The following SYT14 variants were observed in gnomAD, a reference collection of about 807,000 sequenced individuals.
SYT14 encodes the protein synaptotagmin-14.
SYT14 carries 32 observed loss-of-function variants against 74.2 expected under a neutral mutation model. The observed-to-expected ratio is 0.43, with a 90% CI of 0.33 to 0.58. The LOEUF is 0.58. Among genes scored for constraint, SYT14 ranks in the 20% least tolerant of loss-of-function variants. The pLI is 0.05. For synonymous variants in SYT14, 298 were observed against 337.7 expected (o/e 0.88, Z 1.29); for missense variants, 791 against 981.8 (o/e 0.81, Z 2.60).
At chr1:210,139,384 G>A (rs1284734886) in intron 7 of SYT14, among the ~76,000 whole-genome samples, 1 of 150,366 alleles carries the variant, frequency 6.7e-6, no homozygotes, top group Non-Finnish European at 1.5e-5. Flanking sequence ...AGCCAAAAGG[G>A]TACTTTTACT....
intron 5 of SYT14, among the ~76,000 whole-genome samples, chr1:210,052,184 A>T (rs1192501942): frequency 6.6e-6 from 1 of 151,586 alleles, no homozygotes; most frequent in Non-Finnish European, 1.5e-5. Flanking sequence ...TGGCTGTTTG[A>T]GTTTTTTCCC....
rs2079151724 is a variant in SYT14 at position 209,965,999 on chromosome 1, T to C, written c.-486+13243T>C. On this transcript the variant is annotated intron_variant, in intron 2 of 9. Transcript: ENST00000637265. ...GATTCTTCTGCCTCAGCATCCCAAG[T>C]AACTGGGACTACAGGTGCGTGCCCA... 3 of 451,164 alleles carry C rather than the reference T, an allele frequency of 6.6e-6. 1 individual carries two copies. Among genetic ancestry groups the C allele is most frequent in the South Asian group, 4.7e-5 (3 of 63,764 alleles). 27.9% of individuals were successfully genotyped at this position (451,164 alleles called of 1,614,324 possible). A position where few individuals can be genotyped will look rare whatever the true frequency, so the allele number is the denominator to read the frequency against.
At chr1:210,112,471 A>G (rs184281822) in intron 7 of SYT14, among the ~76,000 whole-genome samples, 14 of 151,524 alleles carry the variant, frequency 9.2e-5, no homozygotes, top group Admixed American at 7.2e-4. Context: ...CCGGAAGGAG[A>G]TACTTTCCTT....
chr1:210,090,289 G>A (rs2081838167), intron 5 of SYT14, among the ~76,000 whole-genome samples: 2 of 151,918 alleles, frequency 1.3e-5, no homozygotes, highest in African/African-American at 4.8e-5. Context: ...TCCTCTTCAT[G>A]CTTCCAATTT....
rs755324230 is a variant in SYT14, at chr1:210,021,282, C to T, written c.1312+28C>T. ...AAGATGGGCTGTTTTATTTTTTTTACATGACACACTATAGTATTTGATTAC... is the reference window on the plus strand; with the variant it reads ...AAGATGGGCTGTTTTATTTTTTTTATATGACACACTATAGTATTTGATTAC... On this transcript the variant is annotated intron_variant, in intron 5 of 9. Coordinates refer to ENST00000637265, the Ensembl canonical transcript of SYT14. The T allele has an allele frequency of 1.9e-6, 3 of 1,575,338 alleles. No individual in the cohort carries two copies. In the Admixed American group the frequency reaches 5.0e-5, roughly 26 times the overall value.
chr1:209,981,245 G>A (rs2079478819), intron 2 of SYT14, among the ~76,000 whole-genome samples: 1 of 152,030 alleles, frequency 6.6e-6, no homozygotes, highest in Non-Finnish European at 1.5e-5. Flanking sequence ...TGTTTTTGTG[G>A]TAGCAGGTAT....
intron 2 of SYT14, among the ~76,000 whole-genome samples, chr1:209,970,790 T>C (rs2079242102): frequency 6.8e-6 from 1 of 147,004 alleles, no homozygotes; most frequent in South Asian, 2.2e-4. Flanking sequence ...CAAGCCATTC[T>C]CCTGCCCTCA....
chr1:210,066,852 G>T (rs2081305840), intron 5 of SYT14, among the ~76,000 whole-genome samples: 1 of 151,994 alleles, frequency 6.6e-6, no homozygotes, highest in South Asian at 2.1e-4. Context: ...TGGTCCTTTT[G>T]TTGCCTGTGT....
chr1:209,990,006 A>G (rs2079637460), intron 2 of SYT14, among the ~76,000 whole-genome samples: 1 of 152,172 alleles, frequency 6.6e-6, no homozygotes, highest in African/African-American at 2.4e-5. Flanking sequence ...TATATTCAAT[A>G]TAAAATTAGC....
intron 7 of SYT14, among the ~76,000 whole-genome samples, chr1:210,143,485 C>T (rs746225769): frequency 1.3e-5 from 2 of 151,918 alleles, no homozygotes; most frequent in African/African-American, 2.4e-5. Context: ...TTCATTTGCT[C>T]CCGTTTGTTT....
At chr1:210,150,279 C>G (rs2083131912) in intron 7 of SYT14, among the ~76,000 whole-genome samples, 1 of 152,186 alleles carries the variant, frequency 6.6e-6, no homozygotes, top group Non-Finnish European at 1.5e-5. Context: ...CAATGAGTGC[C>G]TGAAGCTGCC....
chr1:210,115,501 A>G (rs2102594133), intron 7 of SYT14, among the ~76,000 whole-genome samples: 1 of 151,452 alleles, frequency 6.6e-6, no homozygotes, highest in South Asian at 2.1e-4. Flanking sequence ...CCAAGGGAAG[A>G]CTGTCTTCCA....
In SYT14 at chr1:210,077,967, C is replaced by T. The variant is rs924093398; in HGVS notation, c.1313-16355C>T. ...TGGACATTGAAAACAAAGGATATCTCCATGTTGATGTTGGAAACAACATTA... is the reference window on the plus strand; with the variant it reads ...TGGACATTGAAAACAAAGGATATCTTCATGTTGATGTTGGAAACAACATTA... On this transcript the variant is annotated intron_variant, in intron 5 of 9. Coordinates refer to ENST00000637265, the Ensembl canonical transcript of SYT14. Among the ~76,000 whole-genome samples the T allele has an allele frequency of 3.9e-5, 6 of 152,144 alleles. No individual in the cohort carries two copies. The East Asian group carries it at 1.2e-3, about 29-fold the overall frequency.
rs1414057583 is a variant in SYT14 at position 210,042,257 on chromosome 1, G to C, written c.1312+21003G>C. On this transcript the variant is annotated intron_variant, in intron 5 of 9. Coordinates refer to ENST00000637265, the Ensembl canonical transcript of SYT14. ...CACATTTCCTAAAACCAAAAGCACA[G>C]TGAAACAAATGAGCTTAACCCTGTC... Among the ~76,000 whole-genome samples the C allele has an allele frequency of 3.4e-5, 5 of 147,760 alleles. No homozygotes were observed. In the East Asian group the frequency reaches 1.7e-3, roughly 50 times the overall value.
intron 5 of SYT14, among the ~76,000 whole-genome samples, chr1:210,030,387 T>G (rs895825753): frequency 6.6e-6 from 1 of 152,024 alleles, no homozygotes; most frequent in African/African-American, 2.4e-5. Context: ...CTCCTGACCT[T>G]AAGTGATCTG....
At chr1:210,035,741 C>G (rs1475288230) in intron 5 of SYT14, among the ~76,000 whole-genome samples, 1 of 151,832 alleles carries the variant, frequency 6.6e-6, no homozygotes, top group Non-Finnish European at 1.5e-5. Context: ...TTTCTGGGTT[C>G]TCTGTTCTGT....
In SYT14 at chr1:209,988,370, A is replaced by G. The variant is rs146280970; in HGVS notation, c.-485-25263A>G. Among the ~76,000 whole-genome samples, 631 of 152,272 alleles carry G rather than the reference A, an allele frequency of 4.1e-3. 2 individuals are homozygous for G. Among genetic ancestry groups the G allele is most frequent in the African/African-American group, 0.014 (576 of 41,550 alleles). On this transcript the variant is annotated intron_variant, in intron 2 of 9. Transcript: ENST00000637265. ...CTTCAAACCCATGGAATATATCATC[A>G]TAATTGTTAGTGTCCCTGTCTCCTA...
intron 2 of SYT14, among the ~76,000 whole-genome samples, chr1:209,971,532 G>C (rs1390174194): frequency 2.0e-5 from 3 of 152,048 alleles, no homozygotes; most frequent in Non-Finnish European, 4.4e-5. Context: ...GTCATAGATG[G>C]GTCTTATTAT....
chr1:209,985,723 C>G (rs1264729116), intron 2 of SYT14, among the ~76,000 whole-genome samples: 4 of 152,244 alleles, frequency 2.6e-5, no homozygotes, highest in Non-Finnish European at 5.9e-5. Flanking sequence ...CCTAGACACT[C>G]AGGCTTTTCT....
Sources: gnomAD v4.1 joint callset for allele counts (sites outside exome capture counted in the v4.1 genomes callset) on GRCh38, gnomAD v4.1.1 for gene constraint, MANE v1.5 for transcripts, NCBI Gene and HGNC (gene_info 2026-07-23, HGNC 2026-07-21) for gene names.